KCNK3: variants seen among roughly 807,000 people sequenced by gnomAD.
KCNK3 encodes the protein potassium two pore domain channel subfamily K member 3, also known as potassium channel subfamily K member 3.
A neutral mutation model predicts 27.3 loss-of-function variants in KCNK3; 9 were observed. The observed-to-expected ratio is 0.33, with a 90% CI of 0.20 to 0.57. KCNK3 has a LOEUF of 0.57. Among genes scored for constraint, KCNK3 ranks in the 20% least tolerant of loss-of-function variants. The probability of loss-of-function intolerance (pLI) is 0.87; values close to 1 mark genes in which losing one functional copy is unlikely to be tolerated. For missense variants in KCNK3, 391 were observed against 577.7 expected, an observed-to-expected ratio of 0.68 and a Z score of 3.31; for synonymous variants, 278 against 273.8, an observed-to-expected ratio of 1.02 and a Z score of -0.15.
At chr2:26,707,549 C>T (rs1405684974) in intron 1 of KCNK3, among the ~76,000 whole-genome samples, 3 of 152,180 alleles carry the variant, frequency 2.0e-5, no homozygotes, top group Non-Finnish European at 4.4e-5. Flanking sequence ...AGGGCTTAGC[C>T]CTGGGGGTCT....
At chr2:26,720,249 C>T (rs4665896) in intron 1 of KCNK3, among the ~76,000 whole-genome samples, 60,780 of 152,092 alleles carry the variant, frequency 0.4, 14,563 homozygotes, top group Non-Finnish European at 0.53. Flanking sequence ...AGCGAGATTC[C>T]GTCTCAAAGA....
intron 1 of KCNK3, among the ~76,000 whole-genome samples, chr2:26,726,384 G>T (rs1487120936): frequency 1.3e-5 from 2 of 152,290 alleles, no homozygotes; most frequent in East Asian, 1.9e-4. Context: ...AACATTTTCA[G>T]TGCCACTCAA....
chr2:26,713,008 T>C (rs115686252), intron 1 of KCNK3, among the ~76,000 whole-genome samples: 9,126 of 152,132 alleles, frequency 0.06, 906 homozygotes, highest in African/African-American at 0.21. Flanking sequence ...GGGCCACACA[T>C]GCCCCAAGCT....
At chr2:26,722,603 T>G (rs1407215100) in intron 1 of KCNK3, among the ~76,000 whole-genome samples, 3 of 152,242 alleles carry the variant, frequency 2.0e-5, no homozygotes, top group African/African-American at 7.2e-5. Flanking sequence ...ATCCTCTCCC[T>G]GTGTTCAGTA....
intron 1 of KCNK3, among the ~76,000 whole-genome samples, chr2:26,725,616 C>A (rs1237761149): frequency 6.6e-6 from 1 of 152,142 alleles, no homozygotes; most frequent in East Asian, 1.9e-4. Flanking sequence ...TGCCATGGCC[C>A]AGCTGGCGGG....
chr2:26,725,071 C>T (rs990855056), intron 1 of KCNK3, among the ~76,000 whole-genome samples: 14 of 152,202 alleles, frequency 9.2e-5, no homozygotes, highest in African/African-American at 3.4e-4. Context: ...TCCTAAGAGA[C>T]GGTGGGCCCA....
At chr2:26,694,765 A>G (rs1670214005) in intron 1 of KCNK3, among the ~76,000 whole-genome samples, 1 of 152,168 alleles carries the variant, frequency 6.6e-6, no homozygotes, top group African/African-American at 2.4e-5. Context: ...CCAGGGTTTC[A>G]GTAGCTGTTT....
At position 26,728,729 on chromosome 2, in the gene KCNK3, G is replaced by A. The variant is rs1463158403; in HGVS notation, c.*161G>A. ...TCTCCGACTGTGCCTGCTTGCACCAGCCGGCAGGAGGCCGGGCTCTGAGGA... is the reference window on the plus strand; with the variant it reads ...TCTCCGACTGTGCCTGCTTGCACCAACCGGCAGGAGGCCGGGCTCTGAGGA... On this transcript the variant is annotated 3_prime_UTR_variant, in exon 2 of 2. Transcript: ENST00000302909. 1.7e-6 allele frequency: 1 copy of A among 587,138 alleles called. No individual in the cohort carries two copies. The highest frequency in any genetic ancestry group is 1.9e-5 in the African/African-American group (1 of 51,850). 36.4% of individuals were successfully genotyped at this position (587,138 alleles called of 1,614,324 possible).
At chr2:26,695,195 G>A (rs1670219989) in intron 1 of KCNK3, among the ~76,000 whole-genome samples, 1 of 152,156 alleles carries the variant, frequency 6.6e-6, no homozygotes, top group Admixed American at 6.5e-5. Flanking sequence ...TGTCTGGCAT[G>A]CCTTTTTCTC....
At chr2:26,713,467 A>G (rs923189380) in intron 1 of KCNK3, among the ~76,000 whole-genome samples, 6 of 152,146 alleles carry the variant, frequency 3.9e-5, no homozygotes, top group African/African-American at 1.4e-4. Context: ...GTGAATGGCA[A>G]CACAGAGCTG....
intron 1 of KCNK3, among the ~76,000 whole-genome samples, chr2:26,707,353 G>T (rs1477224891): frequency 6.6e-6 from 1 of 152,210 alleles, no homozygotes; most frequent in Admixed American, 6.5e-5. Flanking sequence ...GTGGCCAGGA[G>T]CGAGGCTGCA....
chr2:26,717,671 C>T (rs991326487), intron 1 of KCNK3, among the ~76,000 whole-genome samples: 3 of 152,250 alleles, frequency 2.0e-5, no homozygotes, highest in African/African-American at 7.2e-5. Flanking sequence ...AGACAGGCCA[C>T]AGGCCTGGGC....
chr2:26,710,970 G>A (rs1663100752), intron 1 of KCNK3, among the ~76,000 whole-genome samples: 2 of 152,326 alleles, frequency 1.3e-5, no homozygotes, highest in South Asian at 4.1e-4. Flanking sequence ...GCCCTTCCCA[G>A]GTGCCTGTGC....
chr2:26,706,131 A>G (rs1670369924), intron 1 of KCNK3, among the ~76,000 whole-genome samples: 1 of 152,206 alleles, frequency 6.6e-6, no homozygotes. Flanking sequence ...GCCACTCACC[A>G]GCTGCTAGAA....
chr2:26,702,752 C>T (rs923514533), intron 1 of KCNK3, among the ~76,000 whole-genome samples: 1 of 152,030 alleles, frequency 6.6e-6, no homozygotes, highest in East Asian at 1.9e-4. Flanking sequence ...AGATGTGTTG[C>T]AAGGAATTGG....
intron 1 of KCNK3, among the ~76,000 whole-genome samples, chr2:26,697,893 T>C (rs771342050): frequency 6.6e-6 from 1 of 152,070 alleles, no homozygotes; most frequent in Non-Finnish European, 1.5e-5. Flanking sequence ...AAACCTATAC[T>C]TTTTACATCT....
rs139286094 is a variant in KCNK3, at chr2:26,723,837, G to T, written c.284-3830G>T. On this transcript the variant is annotated intron_variant, in intron 1 of 1. Transcript: ENST00000302909. ...CCTGGTAGTTTTCTGAGAGGCAGTG[G>T]CCAGAGTCTCCCGGTCAGAACATCT... Among the ~76,000 whole-genome samples the T allele has an allele frequency of 9.9e-4, 151 of 152,310 alleles. 7 individuals are homozygous for T. In the East Asian group the frequency reaches 0.027, roughly 27 times the overall value.
intron 1 of KCNK3, among the ~76,000 whole-genome samples, chr2:26,715,985 C>T (rs565528087): frequency 8.5e-5 from 13 of 152,328 alleles, no homozygotes; most frequent in South Asian, 6.2e-4. Flanking sequence ...AATCCTAGAA[C>T]GCTGAAGGGC....
chr2:26,701,051 G>C (rs1376802985), intron 1 of KCNK3, among the ~76,000 whole-genome samples: 3 of 152,220 alleles, frequency 2.0e-5, no homozygotes, highest in African/African-American at 7.2e-5. Context: ...CTGAGATTCT[G>C]CATTTCCAAA....
Sources: allele counts gnomAD v4.1 joint callset (sites outside exome capture counted in the v4.1 genomes callset), GRCh38; gene constraint gnomAD v4.1.1; transcripts MANE v1.5; gene names NCBI Gene and HGNC (gene_info 2026-07-23, HGNC 2026-07-21).